TEC: variants seen among roughly 807,000 people sequenced by gnomAD.
The protein encoded by TEC is tec protein tyrosine kinase, also known as tyrosine-protein kinase Tec.
In TEC, 72 loss-of-function variants were observed where a neutral mutation model predicts 93.0. The observed-to-expected ratio is 0.77, with a 90% CI of 0.64 to 0.94. The LOEUF (loss-of-function observed/expected upper bound fraction) is 0.94. TEC is among the 40% of genes least tolerant of loss of function. The probability of loss-of-function intolerance (pLI) is 0.00; values close to 1 mark genes in which losing one functional copy is unlikely to be tolerated. For synonymous variants in TEC, 249 were observed against 247.7 expected (o/e 1.01, Z -0.05); for missense variants, 630 against 757.9 (o/e 0.83, Z 1.98).
At chr4:48,204,755 C>T (rs1173764149) in intron 2 of TEC, among the ~76,000 whole-genome samples, 1 of 152,202 alleles carries the variant, frequency 6.6e-6, no homozygotes, top group Non-Finnish European at 1.5e-5. Flanking sequence ...GTTCGTGCTC[C>T]TATCAGGATC....
chr4:48,216,789 A>C (rs920973413), intron 2 of TEC, among the ~76,000 whole-genome samples: 2 of 152,244 alleles, frequency 1.3e-5, no homozygotes, highest in African/African-American at 4.8e-5. Flanking sequence ...TGACTAAATT[A>C]AATTAAGTAA....
intron 8 of TEC, among the ~76,000 whole-genome samples, chr4:48,159,975 C>G (rs13146998): frequency 0.32 from 48,516 of 152,066 alleles, 8,600 homozygotes; most frequent in East Asian, 0.68. Flanking sequence ...CAGGCCCCTG[C>G]TCCAAAATTG....
intron 1 of TEC, among the ~76,000 whole-genome samples, chr4:48,255,256 A>G (rs1724311842): frequency 6.6e-6 from 1 of 152,148 alleles, no homozygotes; most frequent in Non-Finnish European, 1.5e-5. Context: ...GGAGCAGGGA[A>G]AAATGACCAC....
chr4:48,144,861 T>C (rs1415495501), intron 14 of TEC, among the ~76,000 whole-genome samples: 3 of 152,192 alleles, frequency 2.0e-5, no homozygotes, highest in Non-Finnish European at 4.4e-5. Context: ...AATTAAAACA[T>C]GGAAACTTGC....
At chr4:48,140,850 T>C (rs933428638) in intron 15 of TEC, among the ~76,000 whole-genome samples, 7 of 152,178 alleles carry the variant, frequency 4.6e-5, no homozygotes, top group African/African-American at 1.7e-4. Context: ...ATTCACCCTC[T>C]TCCTCAATGT....
intron 1 of TEC, among the ~76,000 whole-genome samples, chr4:48,249,513 T>C (rs779629468): frequency 3.9e-5 from 6 of 152,234 alleles, no homozygotes; most frequent in Non-Finnish European, 7.3e-5. Context: ...TTTGTAAAAT[T>C]TTTTAAATGC....
chr4:48,199,551 C>A (rs552247725), intron 2 of TEC, among the ~76,000 whole-genome samples: 1 of 148,866 alleles, frequency 6.7e-6, no homozygotes, highest in South Asian at 2.2e-4. Context: ...ACTACAACCT[C>A]CGCCTCCCAG....
intron 2 of TEC, among the ~76,000 whole-genome samples, chr4:48,210,001 T>C (rs1355220): frequency 0.16 from 24,231 of 152,186 alleles, 2,906 homozygotes; most frequent in African/African-American, 0.32. Flanking sequence ...TTTTGAGGGA[T>C]CTGAAGCTTA....
At chr4:48,260,315 G>A (rs977523980) in intron 1 of TEC, among the ~76,000 whole-genome samples, 7 of 152,186 alleles carry the variant, frequency 4.6e-5, no homozygotes, top group African/African-American at 1.2e-4. Flanking sequence ...CAGGTGTGGT[G>A]GCTCACACCT....
intron 11 of TEC, 119 bp from the exon 12 acceptor site, chr4:48,146,518 G>A (rs1291423669): frequency 1.1e-5 from 9 of 842,082 alleles, no homozygotes; most frequent in Admixed American, 3.9e-5. Context: ...CATCCTCTGT[G>A]TGTACATACA....
At chr4:48,238,924 AG>A (rs1723858608) in intron 1 of TEC, among the ~76,000 whole-genome samples, 2 of 152,134 alleles carry the variant, frequency 1.3e-5, no homozygotes, top group African/African-American at 2.4e-5. Context: ...ATTACTCTGA[AG>A]GTGGGGAAGA....
chr4:48,256,232 T>TA (rs1234165530), intron 1 of TEC, among the ~76,000 whole-genome samples: 2 of 151,924 alleles, frequency 1.3e-5, no homozygotes, highest in African/African-American at 4.8e-5. Context: ...TGGGACCAAC[T>TA]ACCAGAATGC....
chr4:48,229,730 G>C (rs1723590555), intron 1 of TEC, among the ~76,000 whole-genome samples: 1 of 150,550 alleles, frequency 6.6e-6, no homozygotes, highest in African/African-American at 2.5e-5. Context: ...GAGCCAGACA[G>C]CACCACTGCA....
chr4:48,179,839 G>T (rs1407198133), intron 2 of TEC, among the ~76,000 whole-genome samples: 1 of 152,086 alleles, frequency 6.6e-6, no homozygotes, highest in East Asian at 1.9e-4. Flanking sequence ...AATAATAATA[G>T]TATCTATTTC....
At chr4:48,231,954 G>A (rs1723658736) in intron 1 of TEC, among the ~76,000 whole-genome samples, 1 of 151,984 alleles carries the variant, frequency 6.6e-6, no homozygotes, top group South Asian at 2.1e-4. Flanking sequence ...CAACATCAGG[G>A]GCAGAAAAAA....
intron 2 of TEC, among the ~76,000 whole-genome samples, chr4:48,195,280 AT>A (rs1348069747): frequency 2.0e-5 from 3 of 152,240 alleles, no homozygotes; most frequent in Non-Finnish European, 4.4e-5. Flanking sequence ...ATATTCTATG[AT>A]AAAAGGTTAA....
At chr4:48,268,468 C>T (rs1724697296) in intron 1 of TEC, among the ~76,000 whole-genome samples, 1 of 152,230 alleles carries the variant, frequency 6.6e-6, no homozygotes, top group Non-Finnish European at 1.5e-5. Flanking sequence ...TGTAAGTCTT[C>T]CGTAAACATT....
chr4:48,212,657 A>T (rs1048524595), intron 2 of TEC, among the ~76,000 whole-genome samples: 2 of 152,214 alleles, frequency 1.3e-5, no homozygotes, highest in African/African-American at 4.8e-5. Flanking sequence ...GAAACCTTGA[A>T]ATCCTCTAGG....
At chr4:48,253,104 C>T (rs1724249688) in intron 1 of TEC, among the ~76,000 whole-genome samples, 1 of 151,630 alleles carries the variant, frequency 6.6e-6, no homozygotes, top group African/African-American at 2.4e-5. Flanking sequence ...GAGTTGTAGT[C>T]TATAAAACAC....
Sources: allele counts gnomAD v4.1 joint callset (sites outside exome capture counted in the v4.1 genomes callset), GRCh38; gene constraint gnomAD v4.1.1; transcripts MANE v1.5; gene names NCBI Gene and HGNC (gene_info 2026-07-23, HGNC 2026-07-21).